Variants in KCNIP4 observed in about 807,000 individuals in gnomAD.
The protein encoded by KCNIP4 is Kv channel-interacting protein 4.
In KCNIP4, 12 loss-of-function variants were observed where a neutral mutation model predicts 34.0. The observed-to-expected ratio is 0.35, with a 90% CI of 0.23 to 0.57. The LOEUF (loss-of-function observed/expected upper bound fraction) is 0.57, where lower values mean the gene tolerates loss of function less well. KCNIP4 is among the 20% of genes least tolerant of loss of function. KCNIP4 has a pLI of 0.83. For missense variants in KCNIP4, 238 were observed against 311.7 expected (o/e 0.76, Z 1.78); for synonymous variants, 124 against 102.2 (o/e 1.21, Z -1.29).
At chr4:20,764,681 G>GAC (rs5856578) in intron 3 of KCNIP4, among the ~76,000 whole-genome samples, 28,194 of 146,918 alleles carry the variant, frequency 0.19, 2,706 homozygotes, top group Non-Finnish European at 0.22. Flanking sequence ...ATGGGAATTG[G>GAC]ACACACACAC....
intron 1 of KCNIP4, among the ~76,000 whole-genome samples, chr4:21,799,117 A>C (rs1329467461): frequency 6.6e-6 from 1 of 152,162 alleles, no homozygotes; most frequent in African/African-American, 2.4e-5. Flanking sequence ...CTTTAATGAT[A>C]TACCATTAAT....
intron 1 of KCNIP4, among the ~76,000 whole-genome samples, chr4:21,886,493 A>G (rs1358367912): frequency 2.0e-5 from 3 of 152,090 alleles, no homozygotes; most frequent in African/African-American, 7.2e-5. Flanking sequence ...ACCCTAATGT[A>G]TTTTTACAGA....
intron 3 of KCNIP4, among the ~76,000 whole-genome samples, chr4:20,815,085 T>C (rs1287061753): frequency 6.6e-6 from 1 of 152,190 alleles, no homozygotes; most frequent in Non-Finnish European, 1.5e-5. Flanking sequence ...TTATTGCTAC[T>C]ACTGGCTGAT....
Position 21,869,228 on chromosome 4 carries a change from C to A in KCNIP4, c.61+79343G>T, listed in dbSNP as rs191903500. Among the ~76,000 whole-genome samples, 123 of 152,192 alleles carry A rather than the reference C, an allele frequency of 8.1e-4. 1 individual carries two copies. The Middle Eastern group carries it at 0.017, about 21-fold the overall frequency. ...CCCAATTTTCTCCTCCCAGCTAGAT[C>A]CTCATTGCTCTGTACACCATCCTGT... is the stretch of plus-strand genomic sequence containing the variant. On this transcript the variant is annotated intron_variant, in intron 1 of 8. Transcript: ENST00000382152.
chr4:21,600,413 G>T (rs1026485285), intron 1 of KCNIP4, among the ~76,000 whole-genome samples: 1 of 152,014 alleles, frequency 6.6e-6, no homozygotes, highest in African/African-American at 2.4e-5. Flanking sequence ...ACACGTGCTA[G>T]TTTGACACAT....
intron 1 of KCNIP4, chr4:21,851,843 A>AG (rs988626894): frequency 1.3e-5 from 2 of 152,166 alleles, no homozygotes; most frequent in African/African-American, 4.8e-5. Flanking sequence ...AACACTGGCC[A>AG]GGGGAGACTC....
chr4:21,430,837 A>G (rs1726378444), intron 1 of KCNIP4, among the ~76,000 whole-genome samples: 1 of 151,986 alleles, frequency 6.6e-6, no homozygotes, highest in Admixed American at 6.6e-5. Flanking sequence ...CACCCACACT[A>G]TACTGCTTCT....
At chr4:21,673,694 A>G (rs1256363463) in intron 1 of KCNIP4, among the ~76,000 whole-genome samples, 1 of 152,182 alleles carries the variant, frequency 6.6e-6, no homozygotes, top group Non-Finnish European at 1.5e-5. Context: ...AATCAACTAT[A>G]CTACCGTACT....
chr4:21,107,276 G>A (rs1254630834), intron 1 of KCNIP4, among the ~76,000 whole-genome samples: 1 of 142,754 alleles, frequency 7.0e-6, no homozygotes, highest in Non-Finnish European at 1.5e-5. Flanking sequence ...ATGAATCTGG[G>A]TGCTCCTGTA....
chr4:20,927,985 A>C (rs1205102685), intron 1 of KCNIP4, among the ~76,000 whole-genome samples: 1 of 152,030 alleles, frequency 6.6e-6, no homozygotes, highest in East Asian at 1.9e-4. Flanking sequence ...TAATTTATTC[A>C]ATTCGAGCAG....
intron 1 of KCNIP4, among the ~76,000 whole-genome samples, chr4:21,117,589 C>G (rs1291287158): frequency 3.3e-5 from 5 of 152,136 alleles, no homozygotes. Flanking sequence ...AATGCTCTTT[C>G]CCGGAGAGAG....
intron 1 of KCNIP4, among the ~76,000 whole-genome samples, chr4:21,421,937 C>T (rs1483304877): frequency 2.0e-5 from 3 of 152,172 alleles, no homozygotes; most frequent in Non-Finnish European, 4.4e-5. Context: ...CATATTTCTT[C>T]TATCATATTA....
chr4:20,986,868 T>C (rs988283977), intron 1 of KCNIP4, among the ~76,000 whole-genome samples: 7 of 152,226 alleles, frequency 4.6e-5, no homozygotes, highest in Non-Finnish European at 1.0e-4. Context: ...CTACTTAGAA[T>C]GTGCCAGCTG....
At chr4:21,574,296 T>A (rs775066074) in intron 1 of KCNIP4, among the ~76,000 whole-genome samples, 4 of 152,168 alleles carry the variant, frequency 2.6e-5, no homozygotes, top group Non-Finnish European at 5.9e-5. Flanking sequence ...TGAGCAAGTT[T>A]TCAAAATCTC....
chr4:20,742,637 C>A (rs1751407963), intron 5 of KCNIP4, among the ~76,000 whole-genome samples: 1 of 152,126 alleles, frequency 6.6e-6, no homozygotes, highest in African/African-American at 2.4e-5. Context: ...TGGACTCATT[C>A]CCTTTGAAAA....
intron 1 of KCNIP4, among the ~76,000 whole-genome samples, chr4:21,129,007 A>AC (rs1318885251): frequency 6.6e-6 from 1 of 152,192 alleles, no homozygotes; most frequent in East Asian, 1.9e-4. Flanking sequence ...CTGTGACACT[A>AC]CCCATATCTC....
chr4:21,633,302 A>C (rs1745892833), intron 1 of KCNIP4, among the ~76,000 whole-genome samples: 1 of 152,104 alleles, frequency 6.6e-6, no homozygotes, highest in East Asian at 1.9e-4. Flanking sequence ...TTGGACATAT[A>C]GTTGAGCTGT....
At chr4:21,467,073 A>C (rs866351794) in intron 1 of KCNIP4, among the ~76,000 whole-genome samples, 169 of 139,820 alleles carry the variant, frequency 1.2e-3, no homozygotes, top group Non-Finnish European at 1.6e-3. Flanking sequence ...AACCAAAACA[A>C]ACACACACAC....
chr4:21,350,180 T>G (rs1416352131), intron 1 of KCNIP4, among the ~76,000 whole-genome samples: 1 of 152,162 alleles, frequency 6.6e-6, no homozygotes, highest in African/African-American at 2.4e-5. Flanking sequence ...GGTATGAACA[T>G]ACCAGGTTAT....
Sources: allele counts gnomAD v4.1 joint callset (sites outside exome capture counted in the v4.1 genomes callset), GRCh38; gene constraint gnomAD v4.1.1; transcripts MANE v1.5; gene names NCBI Gene and HGNC (gene_info 2026-07-23, HGNC 2026-07-21).